The following GPATCH1 variants were observed in gnomAD, a reference collection of about 807,000 sequenced individuals.
GPATCH1 encodes G-patch domain containing 1.
Under a neutral mutation model 114.9 loss-of-function variants are expected in GPATCH1, and 73 were observed. The observed-to-expected ratio is 0.64, with a 90% CI of 0.53 to 0.77. The LOEUF (loss-of-function observed/expected upper bound fraction) is 0.77. Among genes scored for constraint, GPATCH1 ranks in the 30% least tolerant of loss-of-function variants. The probability of loss-of-function intolerance (pLI) is 0.00; values close to 1 mark genes in which losing one functional copy is unlikely to be tolerated. For missense variants in GPATCH1, 1,058 were observed against 1,144.3 expected (o/e 0.92, Z 1.09); for synonymous variants, 391 against 428.4 (o/e 0.91, Z 1.08).
At chr19:33,093,985 C>T (rs1336529379) in intron 4 of GPATCH1, among the ~76,000 whole-genome samples, 187 bp from the exon 5 acceptor site, 1 of 152,188 alleles carries the variant, frequency 6.6e-6, no homozygotes, top group East Asian at 1.9e-4. Flanking sequence ...TTCCCCAGTT[C>T]AGGTGTGCAC....
At chr19:33,106,194 G>T in intron 9 of GPATCH1, among the ~76,000 whole-genome samples, 1 of 151,840 alleles carries the variant, frequency 6.6e-6, no homozygotes, top group Non-Finnish European at 1.5e-5. Flanking sequence ...TATAGAGATG[G>T]GGTCTCATTC....
At chr19:33,121,077 G>A (rs184260390) in intron 17 of GPATCH1, among the ~76,000 whole-genome samples, 2,284 of 147,564 alleles carry the variant, frequency 0.015, 33 homozygotes, top group Middle Eastern at 0.031. Flanking sequence ...GAGGGGAATT[G>A]CAAGAAGAGT....
At chr19:33,126,214 T>A (rs1973038958) in intron 18 of GPATCH1, among the ~76,000 whole-genome samples, 1 of 152,358 alleles carries the variant, frequency 6.6e-6, no homozygotes, top group South Asian at 2.1e-4. Flanking sequence ...GTGCCCGTCA[T>A]CCTGACATGA....
At position 33,090,173 on chromosome 19, in the gene GPATCH1, C is replaced by T. The variant is rs566588795; in HGVS notation, c.209-607C>T. On this transcript the variant is annotated intron_variant, in intron 2 of 19. Coordinates refer to ENST00000170564, the MANE Select transcript of GPATCH1 (RefSeq NM_018025.3). ...GTGGACGTGGCACATGCTCGGTAAC[C>T]GTGGTCAGGGAACAAGGCCATTGGT... 5.3e-5 allele frequency among the ~76,000 whole-genome samples: 8 copies of T among 152,276 alleles called. No homozygotes were observed. The South Asian group carries it at 1.4e-3, about 28-fold the overall frequency.
At chr19:33,094,398 C>T in intron 5 of GPATCH1, 129 bp downstream of exon 5, 4 of 603,834 alleles carry the variant, frequency 6.6e-6, no homozygotes, top group Admixed American at 2.8e-5. Flanking sequence ...GCAGCCTTGA[C>T]CTCCCGGGCT....
intron 9 of GPATCH1, among the ~76,000 whole-genome samples, chr19:33,106,168 A>T (rs111360232): frequency 0.02 from 2,939 of 150,396 alleles, 40 homozygotes; most frequent in Non-Finnish European, 0.023. Flanking sequence ...ATTTAAAAAA[A>T]TTTTTTTTTT....
At chr19:33,114,495 C>A (rs1972895308) in intron 15 of GPATCH1, 76 bp downstream of exon 15, 7 of 1,157,052 alleles carry the variant, frequency 6.0e-6, no homozygotes, top group Admixed American at 2.4e-5. Context: ...ACTTTCTCCT[C>A]GTGACTCACC....
chr19:33,083,358 A>G (rs545194504), intron 1 of GPATCH1, among the ~76,000 whole-genome samples: 1 of 149,742 alleles, frequency 6.7e-6, no homozygotes, highest in East Asian at 2.0e-4. Context: ...TTGGAATTAT[A>G]GGCGTGACTC....
intron 15 of GPATCH1, among the ~76,000 whole-genome samples, chr19:33,117,540 C>T (rs1972929302): frequency 6.6e-6 from 1 of 152,088 alleles, no homozygotes; most frequent in African/African-American, 2.4e-5. Context: ...GTGATCCACC[C>T]GCCTAGGCCT....
intron 11 of GPATCH1, 33 bp downstream of exon 11, chr19:33,110,049 G>C: frequency 9.7e-6 from 15 of 1,550,350 alleles, no homozygotes; most frequent in Non-Finnish European, 1.3e-5. Context: ...CCAAATCTCG[G>C]CCCGGGCGGG....
intron 9 of GPATCH1, among the ~76,000 whole-genome samples, chr19:33,105,407 G>C (rs547010367): frequency 1.7e-4 from 21 of 120,836 alleles, no homozygotes; most frequent in African/African-American, 6.2e-4. Flanking sequence ...GCAAGACTCT[G>C]TCTCAAAAAA....
intron 13 of GPATCH1, 120 bp downstream of exon 13, chr19:33,112,733 GGAT>G: frequency 3.0e-6 from 2 of 663,020 alleles, no homozygotes; most frequent in Non-Finnish European, 4.9e-6. Flanking sequence ...GCATATCACT[GGAT>G]ATACAAATCT....
At chr19:33,123,512 G>A (rs1176426015) in intron 17 of GPATCH1, among the ~76,000 whole-genome samples, 2 of 152,168 alleles carry the variant, frequency 1.3e-5, no homozygotes, top group African/African-American at 2.4e-5. Context: ...CACTTTGGGA[G>A]GCTAAGGTCA....
At chr19:33,112,827 A>G (rs1246005015) in intron 13 of GPATCH1, 2 of 411,788 alleles carry the variant, frequency 4.9e-6, no homozygotes, top group Non-Finnish European at 4.3e-6. Flanking sequence ...ACTTTATTCC[A>G]TATTGAAGCT....
chr19:33,111,385 GAAAA>G (rs10709432), intron 11 of GPATCH1, among the ~76,000 whole-genome samples: 1 of 88,142 alleles, frequency 1.1e-5, no homozygotes, highest in Non-Finnish European at 2.3e-5. Flanking sequence ...CTCCATCTCA[GAAAA>G]AAAAAAAAAA....
At chr19:33,115,801 G>C (rs1366828969) in intron 15 of GPATCH1, among the ~76,000 whole-genome samples, 1 of 151,870 alleles carries the variant, frequency 6.6e-6, no homozygotes, top group East Asian at 1.9e-4. Flanking sequence ...GGCTAAAGTG[G>C]GTTTCTTATA....
intron 10 of GPATCH1, 72 bp from the exon 11 acceptor site, chr19:33,109,645 T>C: frequency 1.1e-6 from 1 of 922,224 alleles, no homozygotes; most frequent in East Asian, 2.5e-5. Flanking sequence ...TATTGAAATG[T>C]ATGTACAGAG....
intron 1 of GPATCH1, among the ~76,000 whole-genome samples, chr19:33,083,749 T>A (rs1054114243): frequency 6.6e-6 from 1 of 152,100 alleles, no homozygotes; most frequent in African/African-American, 2.4e-5. Flanking sequence ...GACTTTGTTT[T>A]TCTGGACTAA....
chr19:33,090,893 T>G, intron 3 of GPATCH1, 28 bp downstream of exon 3: 2 of 1,426,158 alleles, frequency 1.4e-6, no homozygotes, highest in Non-Finnish European at 2.0e-6. Context: ...TAATTGCCAA[T>G]TAGCTGGTGG....
Sources: gnomAD v4.1 joint callset for allele counts (sites outside exome capture counted in the v4.1 genomes callset) on GRCh38, gnomAD v4.1.1 for gene constraint, MANE v1.5 for transcripts, NCBI Gene and HGNC (gene_info 2026-07-23, HGNC 2026-07-21) for gene names.